RIMBP2: variants seen among roughly 807,000 people sequenced by gnomAD.
The protein encoded by RIMBP2 is RIMS-binding protein 2.
A neutral mutation model predicts 118.6 loss-of-function variants in RIMBP2; 48 were observed. The ratio of observed to expected loss-of-function variants is 0.40; its 90% CI spans 0.32 to 0.51. The LOEUF is 0.51. RIMBP2 is among the 20% of genes least tolerant of loss of function. The pLI, the probability that RIMBP2 is intolerant of heterozygous loss-of-function variation, is 0.41. For missense variants in RIMBP2, 1,551 were observed against 1,768.3 expected (o/e 0.88, Z 2.20); for synonymous variants, 762 against 742.9 (o/e 1.03, Z -0.42).
chr12:130,553,070 G>A (rs564407340), intron 2 of RIMBP2, among the ~76,000 whole-genome samples: 14 of 151,412 alleles, frequency 9.2e-5, no homozygotes, highest in African/African-American at 2.4e-4. Flanking sequence ...GGAGAATGGC[G>A]TGAACCTGGG....
At chr12:130,531,853 G>A (rs915010453) in intron 2 of RIMBP2, among the ~76,000 whole-genome samples, 4 of 150,958 alleles carry the variant, frequency 2.6e-5, no homozygotes, top group South Asian at 4.2e-4. Context: ...AATGAGATGC[G>A]TATGTTTAGC....
rs1034463895 is a variant in RIMBP2, at chr12:130,670,104, G to A, written c.-351-41648C>T. Among the ~76,000 whole-genome samples, 6 of 152,108 alleles carry A rather than the reference G, an allele frequency of 3.9e-5. No individual in the cohort carries two copies. The highest frequency in any genetic ancestry group is 1.4e-4 in the African/African-American group (6 of 41,422). The stretch of plus-strand genomic sequence containing the variant: ...GAGCACACAGATACACAGAAGAGGA[G>A]AGGGTAATGTGACCCCGGGGGCAGA... On this transcript the variant is annotated intron_variant, in intron 1 of 22. Coordinates refer to ENST00000690449, the MANE Select transcript of RIMBP2 (RefSeq NM_001393629.1). The surrounding 1 kb of genome is among the most constrained non-coding windows in gnomAD (Gnocchi z 4.9).
At chr12:130,541,500 C>G (rs1045760609) in intron 2 of RIMBP2, among the ~76,000 whole-genome samples, 2 of 152,196 alleles carry the variant, frequency 1.3e-5, no homozygotes, top group East Asian at 1.9e-4. Flanking sequence ...ACTGCAAATG[C>G]TGAAAACACA....
At chr12:130,643,050 G>A (rs190887595) in intron 1 of RIMBP2, among the ~76,000 whole-genome samples, 3 of 152,322 alleles carry the variant, frequency 2.0e-5, no homozygotes, top group East Asian at 1.9e-4. Context: ...TCTAAACGGC[G>A]ATGGTTCTCC....
intron 2 of RIMBP2, among the ~76,000 whole-genome samples, chr12:130,539,514 G>A (rs1467640126): frequency 1.3e-5 from 2 of 152,186 alleles, no homozygotes; most frequent in East Asian, 3.9e-4. Flanking sequence ...CTGGGGAGAG[G>A]GCATCATGGC....
chr12:130,702,164 C>A (rs1452612150), intron 1 of RIMBP2, among the ~76,000 whole-genome samples: 2 of 152,082 alleles, frequency 1.3e-5, no homozygotes, highest in Non-Finnish European at 2.9e-5. Flanking sequence ...CTAGCTGAAC[C>A]CTTAGCAATG....
At chr12:130,460,484 A>G (rs1391741575) in intron 6 of RIMBP2, among the ~76,000 whole-genome samples, 1 of 152,166 alleles carries the variant, frequency 6.6e-6, no homozygotes, top group Non-Finnish European at 1.5e-5. Flanking sequence ...TTGTAGGAAT[A>G]GCATTGGTAT....
At chr12:130,482,743 T>C (rs191652396) in intron 4 of RIMBP2, among the ~76,000 whole-genome samples, 117 of 145,646 alleles carry the variant, frequency 8.0e-4, no homozygotes, top group Non-Finnish European at 1.3e-3. Context: ...AATACACCCA[T>C]TGTGTGTGTA....
Position 130,620,883 on chromosome 12 carries a change from G to A in RIMBP2, c.-217+7439C>T, listed in dbSNP as rs142146252. ...CACCCTGTAACAGACTCTGTGACCCGCAGTCAACCACCCCACCCAGCAGTG... is the reference window on the plus strand; with the variant it reads ...CACCCTGTAACAGACTCTGTGACCCACAGTCAACCACCCCACCCAGCAGTG... On this transcript the variant is annotated intron_variant, in intron 2 of 22. Coordinates refer to ENST00000690449, the MANE Select transcript of RIMBP2 (RefSeq NM_001393629.1). This position sits in a 1 kb window ranked among gnomAD's most constrained non-coding sequence, Gnocchi z 5.3. 4.5e-3 allele frequency among the ~76,000 whole-genome samples: 678 copies of A among 152,244 alleles called. 5 individuals carry two copies. Among genetic ancestry groups the A allele is most frequent in the African/African-American group, 0.016 (646 of 41,546 alleles).
intron 2 of RIMBP2, among the ~76,000 whole-genome samples, chr12:130,562,077 G>T (rs2056863539): frequency 6.6e-6 from 1 of 152,102 alleles, no homozygotes; most frequent in Admixed American, 6.5e-5. Flanking sequence ...ACAAGGAGGG[G>T]AGATATATCA....
intron 1 of RIMBP2, among the ~76,000 whole-genome samples, chr12:130,656,833 T>G (rs546336268): frequency 1.3e-5 from 2 of 152,102 alleles, no homozygotes; most frequent in African/African-American, 4.8e-5. Flanking sequence ...GGTTTGAGCC[T>G]GGGGGGAGGA....
At chr12:130,656,215 G>C (rs1008909226) in intron 1 of RIMBP2, among the ~76,000 whole-genome samples, 3 of 152,150 alleles carry the variant, frequency 2.0e-5, no homozygotes, top group African/African-American at 7.2e-5. Context: ...TAAAGGGGTT[G>C]GGGGACCCGG....
At chr12:130,502,957 G>A (rs1224557305) in intron 4 of RIMBP2, among the ~76,000 whole-genome samples, 1 of 152,106 alleles carries the variant, frequency 6.6e-6, no homozygotes, top group Non-Finnish European at 1.5e-5. Context: ...CAAAAGACAG[G>A]GTGGACTTGC....
intron 2 of RIMBP2, among the ~76,000 whole-genome samples, chr12:130,580,757 T>C (rs1040682249): frequency 8.5e-5 from 13 of 152,172 alleles, no homozygotes; most frequent in African/African-American, 3.1e-4. Flanking sequence ...CTGGCCAACA[T>C]GGTGAAACCC....
chr12:130,627,041 C>T (rs1231980609), intron 2 of RIMBP2, among the ~76,000 whole-genome samples: 1 of 152,008 alleles, frequency 6.6e-6, no homozygotes, highest in Non-Finnish European at 1.5e-5. Context: ...ACAACTACCA[C>T]CAGCATCCCC....
chr12:130,646,178 T>A (rs61936792), intron 1 of RIMBP2, among the ~76,000 whole-genome samples: 241 of 10,756 alleles, frequency 0.022, 33 homozygotes, highest in Non-Finnish European at 0.039. Flanking sequence ...CACCTGCCTC[T>A]CCACCTCCCT....
intron 1 of RIMBP2, among the ~76,000 whole-genome samples, chr12:130,697,660 C>T (rs2065638293): frequency 1.3e-5 from 2 of 151,884 alleles, no homozygotes; most frequent in South Asian, 4.2e-4. Flanking sequence ...TCATCAAGAA[C>T]ACAGAAGGGA....
At chr12:130,560,363 C>T (rs1655609758) in intron 2 of RIMBP2, among the ~76,000 whole-genome samples, 1 of 152,104 alleles carries the variant, frequency 6.6e-6, no homozygotes, top group African/African-American at 2.4e-5. Flanking sequence ...GCCCGGTGGT[C>T]ATCTTGGTCT....
intron 15 of RIMBP2, 111 bp downstream of exon 15, chr12:130,428,068 T>A: frequency 1.0e-6 from 1 of 998,358 alleles, no homozygotes; most frequent in Non-Finnish European, 1.4e-6. Flanking sequence ...CGAGGGCTAC[T>A]GGTTGTAGGG....
Sources: gnomAD v4.1 joint callset for allele counts (sites outside exome capture counted in the v4.1 genomes callset) on GRCh38, gnomAD v4.1.1 for gene constraint, Gnocchi (gnomAD v3.1) non-coding constraint, MANE v1.5 for transcripts, NCBI Gene and HGNC (gene_info 2026-07-23, HGNC 2026-07-21) for gene names.